The following HMGA2 variants were observed in gnomAD, a reference collection of about 807,000 sequenced individuals.
HMGA2 encodes the protein high mobility group AT-hook 2.
A neutral mutation model predicts 19.1 loss-of-function variants in HMGA2; 8 were observed. That is an observed-to-expected ratio of 0.42 (90% CI 0.25 to 0.76). The LOEUF is 0.76. Ranked by LOEUF, HMGA2 falls within the 30% of genes least tolerant of loss-of-function variation. The probability of loss-of-function intolerance (pLI) is 0.28; values close to 1 mark genes in which losing one functional copy is unlikely to be tolerated. For missense variants in HMGA2, 109 were observed against 136.3 expected (o/e 0.80, Z 1.00); for synonymous variants, 60 against 48.8 (o/e 1.23, Z -0.96).
intron 3 of HMGA2, among the ~76,000 whole-genome samples, chr12:65,863,597 C>T (rs946769737): frequency 2.6e-5 from 4 of 152,220 alleles, no homozygotes; most frequent in Admixed American, 2.6e-4. Context: ...ACAACAATAT[C>T]CTTTGCATGG....
chr12:65,837,421 A>G (rs1870781249), intron 2 of HMGA2, among the ~76,000 whole-genome samples: 1 of 152,216 alleles, frequency 6.6e-6, no homozygotes, highest in South Asian at 2.1e-4. Context: ...GGCAGTGTAG[A>G]CAGTCAATAT....
intron 3 of HMGA2, among the ~76,000 whole-genome samples, chr12:65,874,887 T>C (rs1287804263): frequency 6.6e-6 from 1 of 152,194 alleles, no homozygotes; most frequent in Non-Finnish European, 1.5e-5. Flanking sequence ...TTGAGACAGA[T>C]GTAGCTCTTT....
chr12:65,829,764 A>G (rs2612051), intron 2 of HMGA2, among the ~76,000 whole-genome samples: 2 of 152,022 alleles, frequency 1.3e-5, no homozygotes, highest in African/African-American at 4.8e-5. Context: ...CCTCCGCTTC[A>G]TTTTAAAAAG....
intron 3 of HMGA2, among the ~76,000 whole-genome samples, chr12:65,951,085 A>T (rs560134468): frequency 6.6e-6 from 1 of 152,140 alleles, no homozygotes. Context: ...CAACGCCACC[A>T]CACCCTGTTA....
intron 4 of HMGA2, chr12:65,954,601 T>G (rs1876553065): frequency 6.6e-6 from 1 of 152,178 alleles, no homozygotes; most frequent in Non-Finnish European, 1.5e-5. Flanking sequence ...TCTCAGCACC[T>G]GCATACGCAC....
intron 3 of HMGA2, among the ~76,000 whole-genome samples, chr12:65,884,909 C>T (rs1370165683): frequency 1.3e-5 from 2 of 152,118 alleles, no homozygotes; most frequent in Admixed American, 6.5e-5. Context: ...CTTCAAATTG[C>T]GCCTGGCACA....
At chr12:65,853,272 G>A (rs897389836) in intron 3 of HMGA2, among the ~76,000 whole-genome samples, 6 of 152,142 alleles carry the variant, frequency 3.9e-5, no homozygotes, top group East Asian at 3.9e-4. Context: ...ATGTGATACC[G>A]TAATTATCAA....
chr12:65,881,773 A>G, intron 3 of HMGA2: 1 of 703,080 alleles, frequency 1.4e-6, no homozygotes, highest in Non-Finnish European at 2.6e-6. Context: ...GTGCTGGTGA[A>G]GGAAGCCTGC....
At chr12:65,935,942 A>T (rs1037545838) in intron 3 of HMGA2, among the ~76,000 whole-genome samples, 10 of 152,156 alleles carry the variant, frequency 6.6e-5, no homozygotes, top group African/African-American at 2.2e-4. Context: ...GGTAGCAGTT[A>T]AGTGCTTAAG....
At chr12:65,900,367 T>C in intron 3 of HMGA2, among the ~76,000 whole-genome samples, 1 of 152,326 alleles carries the variant, frequency 6.6e-6, no homozygotes, top group East Asian at 1.9e-4. Context: ...TTTTTAGTTT[T>C]ACTTCTCCCC....
chr12:65,911,416 A>G (rs962017310), intron 3 of HMGA2, among the ~76,000 whole-genome samples: 1 of 152,186 alleles, frequency 6.6e-6, no homozygotes, highest in Admixed American at 6.5e-5. Flanking sequence ...ATATGCTTTC[A>G]GTCTTCCCTG....
intron 3 of HMGA2, among the ~76,000 whole-genome samples, chr12:65,885,118 GTTTA>G (rs1430865808): frequency 1.3e-5 from 2 of 151,962 alleles, no homozygotes; most frequent in South Asian, 2.1e-4. Context: ...AGTAGTTTCT[GTTTA>G]TTTATTCCTT....
intron 3 of HMGA2, among the ~76,000 whole-genome samples, chr12:65,864,953 C>T (rs1161695160): frequency 6.6e-6 from 1 of 152,158 alleles, no homozygotes; most frequent in Admixed American, 6.5e-5. Flanking sequence ...TCTGCCTCTC[C>T]TGCCTCCTCT....
chr12:65,956,266 T>G (rs149219172), intron 4 of HMGA2: 1 of 152,352 alleles, frequency 6.6e-6, no homozygotes, highest in Non-Finnish European at 1.5e-5. Flanking sequence ...CCAGTAAATG[T>G]TTAGTACCAA....
rs1416392842 is a variant in HMGA2, at chr12:65,918,349, G to C, written c.250-33034G>C. Among the ~76,000 whole-genome samples the C allele has an allele frequency of 3.9e-5, 6 of 152,200 alleles. No individual in the cohort carries two copies. In the East Asian group the frequency reaches 1.2e-3, roughly 29 times the overall value. On this transcript the variant is annotated intron_variant, in intron 3 of 4. Coordinates refer to ENST00000403681, the MANE Select transcript of HMGA2 (RefSeq NM_003483.6). ...TTTGTGATGGAAGGACTTATAAAGA[G>C]AAGTGGAGCTTGGTTAGAAAGGGGA...
intron 3 of HMGA2, among the ~76,000 whole-genome samples, chr12:65,839,893 A>G (rs946915036): frequency 4.6e-5 from 7 of 152,170 alleles, no homozygotes; most frequent in African/African-American, 1.4e-4. Context: ...ACTTCCGTCC[A>G]CTGTCTCTAG....
At chr12:65,848,395 A>G (rs905230829) in intron 3 of HMGA2, among the ~76,000 whole-genome samples, 2 of 152,062 alleles carry the variant, frequency 1.3e-5, no homozygotes, top group African/African-American at 2.4e-5. Flanking sequence ...AAAGTCAATT[A>G]CTCTATTTGT....
chr12:65,944,461 C>T (rs1565739441), intron 3 of HMGA2, among the ~76,000 whole-genome samples: 1 of 152,132 alleles, frequency 6.6e-6, no homozygotes, highest in Non-Finnish European at 1.5e-5. Context: ...AACACCACAC[C>T]TGGTATAGGC....
At chr12:65,855,736 G>A (rs1409207733) in intron 3 of HMGA2, among the ~76,000 whole-genome samples, 2 of 151,884 alleles carry the variant, frequency 1.3e-5, no homozygotes, top group African/African-American at 4.8e-5. Context: ...TGATGATGAT[G>A]ATAATGATTG....
Sources: gnomAD v4.1 joint callset for allele counts (sites outside exome capture counted in the v4.1 genomes callset) on GRCh38, gnomAD v4.1.1 for gene constraint, MANE v1.5 for transcripts, NCBI Gene and HGNC (gene_info 2026-07-23, HGNC 2026-07-21) for gene names.